The following ST6GALNAC3 variants were observed in gnomAD, a reference collection of about 807,000 sequenced individuals.
The protein encoded by ST6GALNAC3 is alpha-N-acetylgalactosaminide alpha-2,6-sialyltransferase 3.
A neutral mutation model predicts 32.7 loss-of-function variants in ST6GALNAC3; 25 were observed. The ratio of observed to expected loss-of-function variants is 0.76; its 90% CI spans 0.56 to 1.07. ST6GALNAC3 has a LOEUF of 1.07. ST6GALNAC3 is among the 50% of genes least tolerant of loss of function. ST6GALNAC3 has a pLI of 0.00. For synonymous variants in ST6GALNAC3, 129 were observed against 133.1 expected (o/e 0.97, Z 0.21); for missense variants, 355 against 382.4 (o/e 0.93, Z 0.60).
chr1:76,607,941 C>T (rs1284457621), intron 3 of ST6GALNAC3, among the ~76,000 whole-genome samples: 3 of 152,208 alleles, frequency 2.0e-5, no homozygotes, highest in Non-Finnish European at 4.4e-5. Flanking sequence ...GCTATACTAT[C>T]TTTGGCAGCC....
intron 1 of ST6GALNAC3, among the ~76,000 whole-genome samples, chr1:76,305,533 G>C (rs1363775222): frequency 6.6e-6 from 1 of 152,080 alleles, no homozygotes; most frequent in Non-Finnish European, 1.5e-5. Flanking sequence ...GGAAAGCTCA[G>C]TCTGGAGGTG....
intron 3 of ST6GALNAC3, among the ~76,000 whole-genome samples, chr1:76,549,697 A>G (rs963569913): frequency 6.6e-6 from 1 of 152,090 alleles, no homozygotes; most frequent in Non-Finnish European, 1.5e-5. Flanking sequence ...TTCTTAGTCT[A>G]AGATATATAC....
chr1:76,466,396 G>C (rs2101612930), intron 3 of ST6GALNAC3, among the ~76,000 whole-genome samples: 1 of 152,012 alleles, frequency 6.6e-6, no homozygotes, highest in Middle Eastern at 3.4e-3. Flanking sequence ...TAGCTCCCTA[G>C]GGTTCCTGAG....
chr1:76,246,912 G>A (rs1194239844), intron 1 of ST6GALNAC3, among the ~76,000 whole-genome samples: 9 of 152,120 alleles, frequency 5.9e-5, no homozygotes, highest in African/African-American at 9.7e-5. Context: ...CAGCATTTTC[G>A]CACTGGTTTT....
intron 1 of ST6GALNAC3, among the ~76,000 whole-genome samples, chr1:76,221,005 C>T (rs1655736230): frequency 6.6e-6 from 1 of 152,072 alleles, no homozygotes; most frequent in Non-Finnish European, 1.5e-5. Context: ...TTATTTTCAC[C>T]CCATGGCCAG....
chr1:76,144,057 G>C (rs992089148), intron 1 of ST6GALNAC3, among the ~76,000 whole-genome samples: 1 of 152,198 alleles, frequency 6.6e-6, no homozygotes, highest in Non-Finnish European at 1.5e-5. Flanking sequence ...GGAGCATCAT[G>C]TAGCATGTGG....
chr1:76,467,371 A>T (rs187968595), intron 3 of ST6GALNAC3, among the ~76,000 whole-genome samples: 3 of 152,102 alleles, frequency 2.0e-5, no homozygotes, highest in East Asian at 3.9e-4. Flanking sequence ...AGAAAATGTG[A>T]ATATAGGTGA....
chr1:76,596,206 T>C (rs1647134550), intron 3 of ST6GALNAC3, among the ~76,000 whole-genome samples: 1 of 152,148 alleles, frequency 6.6e-6, no homozygotes, highest in Admixed American at 6.6e-5. Flanking sequence ...TTGTTTCCCC[T>C]TTGCACTCAA....
chr1:76,373,998 A>G (rs1419237245), intron 2 of ST6GALNAC3, among the ~76,000 whole-genome samples: 4 of 152,150 alleles, frequency 2.6e-5, no homozygotes, highest in African/African-American at 9.7e-5. Flanking sequence ...TTCAGGGTCC[A>G]CAGCTGAATT....
intron 1 of ST6GALNAC3, among the ~76,000 whole-genome samples, chr1:76,162,925 G>A (rs2100384551): frequency 6.6e-6 from 1 of 152,286 alleles, no homozygotes; most frequent in Non-Finnish European, 1.5e-5. Flanking sequence ...GACTGTCCAA[G>A]GCAGGGGAAT....
At chr1:76,576,164 T>C (rs910995945) in intron 3 of ST6GALNAC3, among the ~76,000 whole-genome samples, 1 of 151,976 alleles carries the variant, frequency 6.6e-6, no homozygotes, top group Non-Finnish European at 1.5e-5. Flanking sequence ...GTTCCTCCCC[T>C]AGAAACTCTC....
chr1:76,429,676 G>T (rs112866037), intron 3 of ST6GALNAC3, among the ~76,000 whole-genome samples: 284 of 152,156 alleles, frequency 1.9e-3, no homozygotes, highest in Non-Finnish European at 3.4e-3. Flanking sequence ...TTGTCACCAG[G>T]GTTTCCAACT....
At chr1:76,489,256 A>G (rs1330248762) in intron 3 of ST6GALNAC3, among the ~76,000 whole-genome samples, 1 of 152,106 alleles carries the variant, frequency 6.6e-6, no homozygotes, top group Non-Finnish European at 1.5e-5. Context: ...TGGAAGTATT[A>G]CTGTTGGAAG....
chr1:76,534,409 C>G (rs1663465042), intron 3 of ST6GALNAC3, among the ~76,000 whole-genome samples: 1 of 152,180 alleles, frequency 6.6e-6, no homozygotes, highest in South Asian at 2.1e-4. Context: ...CCACCTTTAA[C>G]TCTTCGCTGT....
intron 3 of ST6GALNAC3, among the ~76,000 whole-genome samples, chr1:76,524,468 C>T (rs934153871): frequency 1.3e-5 from 2 of 152,086 alleles, no homozygotes; most frequent in Non-Finnish European, 2.9e-5. Context: ...GTCTCTACTA[C>T]TATGATATAC....
intron 1 of ST6GALNAC3, among the ~76,000 whole-genome samples, chr1:76,293,296 G>C (rs1167239483): frequency 6.6e-6 from 1 of 152,084 alleles, no homozygotes; most frequent in East Asian, 1.9e-4. Flanking sequence ...TTGCAGATTT[G>C]ATCAACAGTA....
chr1:76,430,807 T>C (rs1655700029), intron 3 of ST6GALNAC3, among the ~76,000 whole-genome samples: 1 of 152,140 alleles, frequency 6.6e-6, no homozygotes, highest in Non-Finnish European at 1.5e-5. Context: ...CCTTAACAAA[T>C]ATTTTTTTAT....
chr1:76,132,533 G>C (rs1649678198), intron 1 of ST6GALNAC3, among the ~76,000 whole-genome samples: 1 of 152,126 alleles, frequency 6.6e-6, no homozygotes, highest in Non-Finnish European at 1.5e-5. Flanking sequence ...GCCTATCTGA[G>C]TCTTATCTAT....
At position 76,614,607 on chromosome 1, in the gene ST6GALNAC3, T is replaced by C. The variant is rs564225027; in HGVS notation, c.624-12845T>C. Among the ~76,000 whole-genome samples the C allele has an allele frequency of 1.2e-4, 18 of 151,310 alleles. No homozygotes were observed. The South Asian group carries it at 3.5e-3, about 30-fold the overall frequency. ...GGTGGCGGGCGCCTGTAGTCCCAGC[T>C]ACTCGGCAGGCTGAGGCAGGAGAAT... is the stretch of plus-strand genomic sequence containing the variant. On this transcript the variant is annotated intron_variant, in intron 3 of 4. Coordinates refer to ENST00000328299, the MANE Select transcript of ST6GALNAC3 (RefSeq NM_152996.4).
Sources: allele counts gnomAD v4.1 joint callset (sites outside exome capture counted in the v4.1 genomes callset), GRCh38; gene constraint gnomAD v4.1.1; transcripts MANE v1.5; gene names NCBI Gene and HGNC (gene_info 2026-07-23, HGNC 2026-07-21).